The following STAT2 variants were observed in gnomAD, a reference collection of about 807,000 sequenced individuals.
STAT2 encodes interferon alpha induced transcriptional activator.
STAT2 carries 51 observed loss-of-function variants against 122.3 expected under a neutral mutation model. That is an observed-to-expected ratio of 0.42 (90% confidence interval 0.33 to 0.53). The LOEUF (loss-of-function observed/expected upper bound fraction) is 0.53, where lower values mean the gene tolerates loss of function less well. Ranked by LOEUF, STAT2 falls within the 20% of genes least tolerant of loss-of-function variation. STAT2 has a pLI of 0.10. For synonymous variants in STAT2, 351 were observed against 394.9 expected (o/e 0.89, Z 1.32); for missense variants, 736 against 1,010.3 (o/e 0.73, Z 3.68).
intron 1 of STAT2, among the ~76,000 whole-genome samples, chr12:56,359,747 C>T (rs1383711301): frequency 3.3e-5 from 5 of 152,172 alleles, no homozygotes; most frequent in Admixed American, 6.5e-5. Context: ...TATCTTTGAA[C>T]ATCGTTTTTT....
In STAT2 at chr12:56,356,496, G is replaced by A; in HGVS notation, c.76C>T (p.Leu26Phe). 1 of 1,614,228 alleles carries A rather than the reference G, an allele frequency of 6.2e-7. No homozygotes were observed. Among genetic ancestry groups the A allele is most frequent in the Non-Finnish European group, 8.5e-7 (1 of 1,180,054 alleles). ...TACTGTCGAATGTCCACAGGCAGGA[G>A]GCTGTGCGAGTAAAGCTGGTGCAGC... ...DQLHQLYSHS[L>F]LPVDIRQYLA... is the part of the protein sequence containing the mutation. The change falls in exon 2 of 24, where the codon CTC becomes TTC. Residue 26 changes from leucine (L) to phenylalanine (F), a missense_variant. Physicochemically the swap from Leu to Phe is conservative, Grantham distance 22. Coordinates refer to ENST00000314128, the MANE Select transcript of STAT2 (RefSeq NM_005419.4).
chr12:56,349,347 C>G, intron 15 of STAT2, 79 bp downstream of exon 15: 1 of 1,614,028 alleles, frequency 6.2e-7, no homozygotes, highest in Non-Finnish European at 8.5e-7. Context: ...TAACCCACCC[C>G]AAGAGGCTTC....
intron 19 of STAT2, among the ~76,000 whole-genome samples, chr12:56,348,031 C>T (rs1262611820): frequency 6.6e-6 from 1 of 151,164 alleles, no homozygotes; most frequent in African/African-American, 2.4e-5. Context: ...GAGCACCCAT[C>T]AAGCTCTGGA....
At chr12:56,354,126 G>T (rs1264454923) in intron 8 of STAT2, among the ~76,000 whole-genome samples, 1 of 141,072 alleles carries the variant, frequency 7.1e-6, no homozygotes, top group Admixed American at 7.3e-5. Context: ...AATAAGCTAG[G>T]TAATAGGTAA....
At position 56,343,345 on chromosome 12, in the gene STAT2, T is replaced by A. The variant is rs1031644916; in HGVS notation, c.*44A>T. 1.9e-6 allele frequency: 3 copies of A among 1,590,448 alleles called. No homozygotes were observed. Among genetic ancestry groups the A allele is most frequent in the Admixed American group, 1.7e-5 (1 of 58,276 alleles). ...GAGAACAATATCATGCTATGAGGAG[T>A]AGGAAGGGCAAGAGATATGAAAAGA... On this transcript the variant is annotated 3_prime_UTR_variant, in exon 24 of 24. Transcript: ENST00000314128.
Position 56,346,985 on chromosome 12 carries a change from C to A in STAT2, c.1725-30G>T. 4 of 1,608,568 alleles carry A rather than the reference C, an allele frequency of 2.5e-6. No individual in the cohort carries two copies. The South Asian group carries it at 4.4e-5, about 18-fold the overall frequency. On this transcript the variant is annotated intron_variant, in intron 19 of 23. Coordinates refer to ENST00000314128, the MANE Select transcript of STAT2 (RefSeq NM_005419.4). ...AGCACAGAGAGCAGCTGTGAGACAC[C>A]GCCCAACACCCTGCCCCACCAGGCC... is the stretch of plus-strand genomic sequence containing the variant.
Position 56,342,600 on chromosome 12 carries a change from A to AATCCCCAGCAATCCTACC in STAT2, c.*771_*788dup, listed in dbSNP as rs1307592844. The AATCCCCAGCAATCCTACC allele has an allele frequency of 8.5e-5, 13 of 152,482 alleles. No homozygotes were observed. The East Asian group carries it at 2.1e-3, about 25-fold the overall frequency. The allele number at this position is 152,482 out of a possible 1,614,324, so 9.4% of individuals were successfully genotyped here. ...GTGAGACCCTGTTTAAAAAAAAAAA[A>AATCCCCAGCAATCCTACC]ATCCCCAGCAATCCTACCATCCCCA... On this transcript the variant is annotated 3_prime_UTR_variant, in exon 24 of 24. Transcript: ENST00000314128.
chr12:56,344,239 G>T, intron 22 of STAT2, 104 bp from the exon 23 acceptor site: 1 of 1,428,558 alleles, frequency 7.0e-7, no homozygotes, highest in Non-Finnish European at 9.2e-7. Context: ...TAGGGCGGAG[G>T]GCTAAAGAGC....
rs1328906707 is a variant in STAT2, at chr12:56,346,127, T to TGAA, written c.2102+16_2102+18dup. On this transcript the variant is annotated intron_variant, in intron 22 of 23. Transcript: ENST00000314128. ...GCCAAAAAGGATTAGGGAGGATGAA[T>TGAA]GAAGAGTTCATATCTCACCTATTAG... The TGAA allele has an allele frequency of 1.2e-6, 2 of 1,614,100 alleles. No homozygotes were observed. The highest frequency in any genetic ancestry group is 4.5e-5 in the East Asian group (2 of 44,886).
rs1209189606 is a variant in STAT2, at chr12:56,354,406, C to T, written c.782+60G>A. On this transcript the variant is annotated intron_variant, in intron 8 of 23. Transcript: ENST00000314128. ...ACAGTATCTCTTGCTATATGCAGGG[C>T]ACTGCAACTTACAAATCACAGCGCA... is the stretch of plus-strand genomic sequence containing the variant. The T allele has an allele frequency of 2.5e-6, 4 of 1,609,712 alleles. No individual in the cohort carries two copies. In the East Asian group the frequency reaches 8.9e-5, roughly 36 times the overall value.
chr12:56,349,269 G>A lies in STAT2; in HGVS notation c.1342-8C>T, dbSNP rs1430752346. 3.1e-6 allele frequency: 5 copies of A among 1,614,054 alleles called. No homozygotes were observed. The East Asian group carries it at 6.7e-5, about 22-fold the overall frequency. On this transcript the variant is annotated splice_polypyrimidine_tract_variant and splice_region_variant and intron_variant, in intron 15 of 23. Transcript: ENST00000314128. Reference sequence around the variant, plus strand: ...CACAGGGAGGGTGTCCGTCTGGGGAGAAGACAGGAGTCACAGAGAGGGATG... The same window carrying A: ...CACAGGGAGGGTGTCCGTCTGGGGAAAAGACAGGAGTCACAGAGAGGGATG...
intron 7 of STAT2, 23 bp downstream of exon 7, chr12:56,354,755 A>G (rs1879251598): frequency 6.2e-7 from 1 of 1,614,030 alleles, no homozygotes; most frequent in Non-Finnish European, 8.5e-7. Flanking sequence ...TGTTGCCCAC[A>G]TGTTCTGTCC....
rs1342437352 is a variant in STAT2, at chr12:56,344,155, C to A, written c.2103-20G>T. The stretch of plus-strand genomic sequence containing the variant: ...ACCTGTCTGGATACCCAAAGACAGA[C>A]AAAGGGGCAGGGCTCAGTGGTTCAA... On this transcript the variant is annotated intron_variant, in intron 22 of 23. Coordinates refer to ENST00000314128, the MANE Select transcript of STAT2 (RefSeq NM_005419.4). 3.2e-6 allele frequency: 5 copies of A among 1,543,052 alleles called. No homozygotes were observed. Among genetic ancestry groups the A allele is most frequent in the Non-Finnish European group, 4.4e-6 (5 of 1,140,134 alleles).
At position 56,343,443 on chromosome 12, in the gene STAT2, G is replaced by A; in HGVS notation, c.2502C>T (p.Val834=). 1.9e-6 allele frequency: 3 copies of A among 1,614,136 alleles called. No individual in the cohort carries two copies. Among genetic ancestry groups the A allele is most frequent in the Non-Finnish European group, 2.5e-6 (3 of 1,180,008 alleles). Residue 834 remains valine (V), a synonymous_variant, in exon 24 of 24, where the codon GTC becomes GTT. Transcript: ENST00000314128. The stretch of plus-strand genomic sequence containing the variant: ...CAGTGTAGAAGTGGCTGGGGCGGGA[G>A]ACGTAAACCTCATCCACGGTGTTCT... ...AGQNTVDEVY[V]SRPSHFYTDG... is the part of the protein sequence containing the mutation.
At chr12:56,346,702 C>A in intron 20 of STAT2, 78 bp from the exon 21 acceptor site, 1 of 1,601,478 alleles carries the variant, frequency 6.2e-7, no homozygotes, top group South Asian at 1.1e-5. Flanking sequence ...GCTGCCCAGT[C>A]CCAAACCAGC....
At position 56,342,433 on chromosome 12, in the gene STAT2, TA is replaced by T. The variant is rs763927178; in HGVS notation, c.*955del. 1.0e-3 allele frequency: 152 copies of T among 144,872 alleles called. No homozygotes were observed. Among genetic ancestry groups the T allele is most frequent in the Admixed American group, 1.4e-3 (20 of 14,526 alleles). The allele number at this position is 144,872 out of a possible 1,614,324, so 9.0% of individuals were successfully genotyped here. ...GGGCAATATAGCAAGACCCTGTCTT[TA>T]AAAAAAAAAAATAGGGCATGGTGGC... On this transcript the variant is annotated 3_prime_UTR_variant, in exon 24 of 24. Coordinates refer to ENST00000314128, the MANE Select transcript of STAT2 (RefSeq NM_005419.4).
In STAT2 at chr12:56,346,207, T is replaced by C. The variant is rs1451586614; in HGVS notation, c.2045-4A>G. The C allele has an allele frequency of 1.9e-6, 3 of 1,613,766 alleles. No homozygotes were observed. Among genetic ancestry groups the C allele is most frequent in the Non-Finnish European group, 2.5e-6 (3 of 1,179,898 alleles). ...TTCCTCCGTTCCTGGAGATTAACTG[T>C]GAGGAACATATACAAGAAGCAGAGA... On this transcript the variant is annotated splice_region_variant and splice_polypyrimidine_tract_variant and intron_variant, in intron 21 of 23. Transcript: ENST00000314128.
Position 56,355,781 on chromosome 12 carries a change from T to G in STAT2, c.308A>C (p.Gln103Pro), listed in dbSNP as rs1377345418. Residue 103 changes from glutamine to proline, a missense_variant, in exon 4 of 24, where the codon CAG becomes CCG. Gln to Pro is a moderately conservative substitution (Grantham distance 76, BLOSUM62 -1). Coordinates refer to ENST00000314128, the MANE Select transcript of STAT2 (RefSeq NM_005419.4). ...DIQPFSQDPT[Q>P]LAEMIFNLLL... ...GAGGTTAAAGATCATCTCAGCCAACTGGGTAGGATCCTGGGAAAAGGGCTA... is the reference window on the plus strand; with the variant it reads ...GAGGTTAAAGATCATCTCAGCCAACGGGGTAGGATCCTGGGAAAAGGGCTA... The G allele has an allele frequency of 1.2e-5, 20 of 1,614,202 alleles. No homozygotes were observed. Among genetic ancestry groups the G allele is most frequent in the Non-Finnish European group, 1.6e-5 (19 of 1,180,030 alleles).
intron 1 of STAT2, among the ~76,000 whole-genome samples, chr12:56,357,484 G>T (rs979514609): frequency 1.3e-5 from 2 of 151,422 alleles, no homozygotes; most frequent in Non-Finnish European, 2.9e-5. Flanking sequence ...GGGACTATAG[G>T]CTCCCGCCAC....
Sources: allele counts gnomAD v4.1 joint callset (sites outside exome capture counted in the v4.1 genomes callset), GRCh38; gene constraint gnomAD v4.1.1; transcripts MANE v1.5; gene names NCBI Gene and HGNC (gene_info 2026-07-23, HGNC 2026-07-21).